NIM1K: variants seen among roughly 807,000 people sequenced by gnomAD.
The protein encoded by NIM1K is serine/threonine-protein kinase NIM1.
Under a neutral mutation model 37.1 loss-of-function variants are expected in NIM1K, and 35 were observed. The observed-to-expected ratio is 0.94, with a 90% CI of 0.72 to 1.25. The LOEUF is 1.25. Among genes scored for constraint, NIM1K ranks in the 50% most tolerant of loss-of-function variants. The pLI is 0.00. For missense variants in NIM1K, 564 were observed against 548.0 expected (o/e 1.03, Z -0.29); for synonymous variants, 234 against 206.6 (o/e 1.13, Z -1.14).
chr5:43,264,589 T>A (rs1753092295), intron 2 of NIM1K, among the ~76,000 whole-genome samples: 1 of 152,210 alleles, frequency 6.6e-6, no homozygotes, highest in Non-Finnish European at 1.5e-5. Context: ...CCAGTCTATG[T>A]CTTTTAATTG....
intron 2 of NIM1K, among the ~76,000 whole-genome samples, chr5:43,268,169 C>T (rs1736310021): frequency 6.6e-6 from 1 of 152,174 alleles, no homozygotes; most frequent in African/African-American, 2.4e-5. Flanking sequence ...ATAATATTCT[C>T]TTGTCAGATT....
At chr5:43,236,795 A>T (rs569743306) in intron 1 of NIM1K, among the ~76,000 whole-genome samples, 62 of 152,322 alleles carry the variant, frequency 4.1e-4, no homozygotes, top group Non-Finnish European at 7.9e-4. Flanking sequence ...ATGAGGGTAG[A>T]CCTGGGCTGA....
At chr5:43,246,790 C>T (rs774335025) in intron 2 of NIM1K, among the ~76,000 whole-genome samples, 1 of 152,134 alleles carries the variant, frequency 6.6e-6, no homozygotes, top group African/African-American at 2.4e-5. Flanking sequence ...ATATGGAGAG[C>T]CCAGCACCCT....
chr5:43,233,741 T>C (rs555310859), intron 1 of NIM1K, among the ~76,000 whole-genome samples: 139 of 152,354 alleles, frequency 9.1e-4, no homozygotes, highest in African/African-American at 3.2e-3. Context: ...TACAAATATT[T>C]TTAATTCCCT....
chr5:43,279,358 A>G (rs1035016418), intron 3 of NIM1K, among the ~76,000 whole-genome samples: 2 of 152,200 alleles, frequency 1.3e-5, no homozygotes, highest in East Asian at 1.9e-4. Context: ...CAGGAGGGCC[A>G]TCAGGAAAGC....
intron 1 of NIM1K, chr5:43,231,859 C>G: frequency 1.6e-6 from 2 of 1,215,226 alleles, no homozygotes; most frequent in Non-Finnish European, 2.3e-6. Context: ...ACAGAATCCA[C>G]ACCAACCTCC....
At chr5:43,256,131 C>A (rs1037853013) in intron 2 of NIM1K, among the ~76,000 whole-genome samples, 1 of 152,090 alleles carries the variant, frequency 6.6e-6, no homozygotes, top group East Asian at 1.9e-4. Context: ...TTCACAGGAG[C>A]CATCAGAGGG....
In NIM1K at chr5:43,280,738, A is replaced by AGACT. The variant is rs752497806; in HGVS notation, c.*11_*14dup. On this transcript the variant is annotated 3_prime_UTR_variant, in exon 4 of 4. Transcript: ENST00000326035. ...TTTGCTCGATTTTATAAATTGCACT[A>AGACT]GACTGCTTGTAACTAACCAAGATGA... The AGACT allele has an allele frequency of 2.3e-5, 37 of 1,579,690 alleles. No individual in the cohort carries two copies. In the South Asian group the frequency reaches 2.8e-4, roughly 12 times the overall value.
At chr5:43,193,243 A>G (rs1455508585) in intron 1 of NIM1K, 1 of 152,052 alleles carries the variant, frequency 6.6e-6, no homozygotes, top group Non-Finnish European at 1.5e-5. Flanking sequence ...TGGGCAGCAA[A>G]GATTCTGCTA....
chr5:43,206,820 G>T (rs1204955969), intron 1 of NIM1K: 4 of 767,422 alleles, frequency 5.2e-6, no homozygotes, highest in Non-Finnish European at 7.3e-6. Flanking sequence ...GGTGGAGTTG[G>T]TGCACACCTG....
chr5:43,265,369 A>C (rs938740986), intron 2 of NIM1K, among the ~76,000 whole-genome samples: 1 of 151,856 alleles, frequency 6.6e-6, no homozygotes, highest in Non-Finnish European at 1.5e-5. Context: ...CATTCATTTG[A>C]TCTTCAATCA....
chr5:43,260,479 G>C (rs1199403612), intron 2 of NIM1K, among the ~76,000 whole-genome samples: 1 of 152,102 alleles, frequency 6.6e-6, no homozygotes, highest in Non-Finnish European at 1.5e-5. Context: ...TTGTCATAGA[G>C]CAATGCTGGA....
intron 2 of NIM1K, among the ~76,000 whole-genome samples, chr5:43,271,090 T>G (rs1753249995): frequency 6.7e-6 from 1 of 149,584 alleles, no homozygotes; most frequent in Non-Finnish European, 1.5e-5. Flanking sequence ...TCCAGCAGCT[T>G]CTTTTTTTTT....
intron 1 of NIM1K, among the ~76,000 whole-genome samples, chr5:43,243,873 C>T (rs568689166): frequency 1.3e-5 from 2 of 152,208 alleles, no homozygotes; most frequent in South Asian, 4.1e-4. Context: ...GGTACAACAC[C>T]ACACCCTGCT....
At chr5:43,224,982 T>C (rs997595242) in intron 1 of NIM1K, among the ~76,000 whole-genome samples, 6 of 152,088 alleles carry the variant, frequency 3.9e-5, no homozygotes, top group African/African-American at 1.4e-4. Flanking sequence ...GCCTAAGCCA[T>C]TGCGCCTGGC....
intron 1 of NIM1K, chr5:43,207,066 T>C (rs1752124838): frequency 9.7e-6 from 7 of 721,874 alleles, no homozygotes; most frequent in Non-Finnish European, 1.8e-5. Context: ...ATTGGCCCAT[T>C]ACCTATGGGC....
intron 1 of NIM1K, chr5:43,207,214 G>A (rs1437707821): frequency 2.7e-6 from 2 of 751,400 alleles, no homozygotes; most frequent in Non-Finnish European, 5.0e-6. Context: ...AGAGTGATTT[G>A]GCATATACCT....
chr5:43,261,881 C>T (rs2112285179), intron 2 of NIM1K, among the ~76,000 whole-genome samples: 1 of 152,244 alleles, frequency 6.6e-6, no homozygotes, highest in South Asian at 2.1e-4. Context: ...TTCCCCATTT[C>T]TTGTTTTTGT....
At chr5:43,198,193 TTCTTTCTTTCTTTCTC>T (rs1751953889) in intron 1 of NIM1K, among the ~76,000 whole-genome samples, 2 of 57,030 alleles carry the variant, frequency 3.5e-5, no homozygotes, top group East Asian at 6.5e-4. Context: ...CTTTCTTTCT[TTCTTTCTTTCTTTCTC>T]TTTCTTTCTT....
Sources: gnomAD v4.1 joint callset for allele counts (sites outside exome capture counted in the v4.1 genomes callset) on GRCh38, gnomAD v4.1.1 for gene constraint, MANE v1.5 for transcripts, NCBI Gene and HGNC (gene_info 2026-07-23, HGNC 2026-07-21) for gene names.